Variants in RBFOX1 observed in about 807,000 individuals in gnomAD.
The protein encoded by RBFOX1 is RNA binding fox-1 homolog 1, also known as RNA binding protein fox-1 homolog 1.
In RBFOX1, 8 loss-of-function variants were observed where a neutral mutation model predicts 57.7. That is an observed-to-expected ratio of 0.14 (90% CI 0.08 to 0.25). RBFOX1 has a LOEUF of 0.25. Among genes scored for constraint, RBFOX1 ranks in the 10% least tolerant of loss-of-function variants. The pLI is 1.00. For synonymous variants in RBFOX1, 326 were observed against 222.4 expected (o/e 1.47, Z -4.15); for missense variants, 611 against 548.5 (o/e 1.11, Z -1.14).
chr16:5,714,563 A>T (rs1221866168), intron 3 of RBFOX1, among the ~76,000 whole-genome samples: 1 of 152,162 alleles, frequency 6.6e-6, no homozygotes, highest in Non-Finnish European at 1.5e-5. Flanking sequence ...AACCCTTACA[A>T]TCGAATGTCA....
intron 3 of RBFOX1, among the ~76,000 whole-genome samples, chr16:5,746,714 G>T (rs548351063): frequency 2.0e-5 from 3 of 152,320 alleles, no homozygotes; most frequent in African/African-American, 7.2e-5. Flanking sequence ...GTGAATGGGA[G>T]TTCACTCATG....
At chr16:7,364,366 G>GA (rs200837664) in intron 4 of RBFOX1, among the ~76,000 whole-genome samples, 4 of 151,536 alleles carry the variant, frequency 2.6e-5, no homozygotes, top group Non-Finnish European at 4.4e-5. Context: ...TTTTTAAGAG[G>GA]AAAAAAAATG....
chr16:7,042,271 C>T (rs911023255), intron 3 of RBFOX1, among the ~76,000 whole-genome samples: 8 of 152,236 alleles, frequency 5.3e-5, no homozygotes, highest in South Asian at 2.1e-4. Flanking sequence ...ACAAGTGAGG[C>T]GCAGATTGGG....
At chr16:7,548,524 C>T (rs1383289726) in intron 5 of RBFOX1, among the ~76,000 whole-genome samples, 1 of 152,158 alleles carries the variant, frequency 6.6e-6, no homozygotes, top group Non-Finnish European at 1.5e-5. Flanking sequence ...TGAATGGCAC[C>T]TACTCCATCC....
intron 1 of RBFOX1, among the ~76,000 whole-genome samples, chr16:5,367,905 G>C (rs1358151082): frequency 6.6e-6 from 1 of 152,142 alleles, no homozygotes; most frequent in Non-Finnish European, 1.5e-5. Context: ...CAGGACTCTG[G>C]ACGTTAAGAA....
At chr16:5,941,409 G>C (rs1280667171) in intron 4 of RBFOX1, among the ~76,000 whole-genome samples, 1 of 151,656 alleles carries the variant, frequency 6.6e-6, no homozygotes, top group African/African-American at 2.4e-5. Flanking sequence ...TGGATCACTT[G>C]AGCCCAGGAG....
In RBFOX1 at chr16:6,555,734, G is replaced by C. The variant is rs140063199; in HGVS notation, c.-63-98869G>C. On this transcript the variant is annotated intron_variant, in intron 2 of 15. Transcript: ENST00000550418. ...CAAAACAAAACAAACAAACAAAAAA[G>C]ATATCATTCCATCTATTGTGTGTTT... 4.6e-3 allele frequency among the ~76,000 whole-genome samples: 692 copies of C among 152,046 alleles called. 3 individuals are homozygous for C. Among genetic ancestry groups the C allele is most frequent in the Middle Eastern group, 0.014 (4 of 294 alleles).
At chr16:7,485,045 T>G (rs2065032479) in intron 4 of RBFOX1, among the ~76,000 whole-genome samples, 1 of 131,838 alleles carries the variant, frequency 7.6e-6, no homozygotes, top group Non-Finnish European at 1.6e-5. Flanking sequence ...AGGGTTACGT[T>G]CCCCAACATT....
At chr16:7,001,707 T>C (rs867884898) in intron 3 of RBFOX1, among the ~76,000 whole-genome samples, 12 of 152,130 alleles carry the variant, frequency 7.9e-5, no homozygotes, top group Non-Finnish European at 1.3e-4. Flanking sequence ...TCCATCCTCC[T>C]TGGCCTCCCA....
chr16:6,872,166 G>GTAC (rs2061032700), intron 3 of RBFOX1, among the ~76,000 whole-genome samples: 1 of 152,156 alleles, frequency 6.6e-6, no homozygotes, highest in South Asian at 2.1e-4. Flanking sequence ...TGTGAGAGCA[G>GTAC]TACTACGTCT....
chr16:6,084,891 G>T (rs2096062655), intron 1 of RBFOX1, among the ~76,000 whole-genome samples: 1 of 152,174 alleles, frequency 6.6e-6, no homozygotes, highest in Admixed American at 6.5e-5. Flanking sequence ...CTAATGGCCA[G>T]ATAAGTGCTC....
At chr16:5,736,136 T>A (rs1008456998) in intron 3 of RBFOX1, among the ~76,000 whole-genome samples, 2 of 152,042 alleles carry the variant, frequency 1.3e-5, no homozygotes, top group Admixed American at 6.5e-5. Context: ...GAGGTTTTGT[T>A]ACACGTGGAC....
chr16:6,268,748 A>T (rs911068654), intron 1 of RBFOX1, among the ~76,000 whole-genome samples: 1 of 152,184 alleles, frequency 6.6e-6, no homozygotes, highest in Non-Finnish European at 1.5e-5. Context: ...CAACACACAA[A>T]CATGCAAGTA....
chr16:7,442,488 C>G (rs577543979), intron 4 of RBFOX1, among the ~76,000 whole-genome samples: 3 of 152,156 alleles, frequency 2.0e-5, no homozygotes, highest in African/African-American at 4.8e-5. Flanking sequence ...GGAGGTTGGG[C>G]AGGGAGGTGA....
At chr16:7,455,788 AAAAAAAAAAAAAAG>A (rs1288387259) in intron 4 of RBFOX1, among the ~76,000 whole-genome samples, 1 of 150,336 alleles carries the variant, frequency 6.7e-6, no homozygotes, top group Non-Finnish European at 1.5e-5. Context: ...TCCATCTCAA[AAAAAAAAAAAAAAG>A]AAAAAAAAGA....
chr16:6,720,281 C>G (rs1028320462), intron 3 of RBFOX1, among the ~76,000 whole-genome samples: 1 of 152,208 alleles, frequency 6.6e-6, no homozygotes, highest in Middle Eastern at 3.4e-3. Context: ...CCCCTTCACT[C>G]TTTTTCTCCT....
intron 5 of RBFOX1, among the ~76,000 whole-genome samples, chr16:7,551,335 C>CCACAGAGGG (rs1324919271): frequency 2.0e-5 from 3 of 152,054 alleles, no homozygotes; most frequent in Admixed American, 6.6e-5. Context: ...CATGAGGCAT[C>CCACAGAGGG]CACAGAGGGG....
chr16:6,701,677 A>C (rs1214446804), intron 3 of RBFOX1, among the ~76,000 whole-genome samples: 1 of 152,148 alleles, frequency 6.6e-6, no homozygotes, highest in African/African-American at 2.4e-5. Context: ...CACTATTCAT[A>C]ATAGCAAAGA....
At chr16:5,384,172 G>C (rs2066200366) in intron 1 of RBFOX1, among the ~76,000 whole-genome samples, 1 of 152,164 alleles carries the variant, frequency 6.6e-6, no homozygotes, top group Non-Finnish European at 1.5e-5. Flanking sequence ...TGCAGCCAAG[G>C]GTGGTGCATT....
Sources: gnomAD v4.1 joint callset for allele counts (sites outside exome capture counted in the v4.1 genomes callset) on GRCh38, gnomAD v4.1.1 for gene constraint, MANE v1.5 for transcripts, NCBI Gene and HGNC (gene_info 2026-07-23, HGNC 2026-07-21) for gene names.